The following IQSEC3 variants were observed in gnomAD, a reference collection of about 807,000 sequenced individuals.
IQSEC3 encodes IQ motif and Sec7 domain ArfGEF 3.
IQSEC3 carries 50 observed loss-of-function variants against 105.4 expected under a neutral mutation model. The observed-to-expected ratio is 0.47, with a 90% confidence interval of 0.38 to 0.60. The LOEUF (loss-of-function observed/expected upper bound fraction) is 0.60. Ranked by LOEUF, IQSEC3 falls within the 20% of genes least tolerant of loss-of-function variation. IQSEC3 has a pLI of 0.00. For missense variants in IQSEC3, 1,415 were observed against 1,630.0 expected (o/e 0.87, Z 2.27); for synonymous variants, 708 against 746.0 (o/e 0.95, Z 0.83).
chr12:138,868 C>T lies in IQSEC3; in HGVS notation c.1505C>T (p.Ser502Phe), dbSNP rs1865889477. The T allele has an allele frequency of 6.2e-7, 1 of 1,612,228 alleles. No homozygotes were observed. Reference protein sequence around the residue: ...IANQNISVSSSTALSVANCLG... With the variant: ...IANQNISVSSFTALSVANCLG... ...AACCAGAACATATCCGTCTCCTCCT[C>T]CACGGCTCTGTCGGTGGCCAACTGC... The change falls in exon 4 of 14, where the codon TCC (serine) becomes TTC (phenylalanine). Residue 502 changes from serine to phenylalanine, a missense_variant. Transcript: ENST00000538872. The surrounding 1 kb of genome is among the most constrained non-coding windows in gnomAD (Gnocchi z 7.1).
At chr12:119,157 C>A (rs1555081297) in intron 2 of IQSEC3, among the ~76,000 whole-genome samples, 3 of 152,194 alleles carry the variant, frequency 2.0e-5, no homozygotes, top group Non-Finnish European at 4.4e-5. Context: ...GAGCCTGGGG[C>A]CTCACTCCAC....
At chr12:112,720 A>G (rs1198858778) in intron 2 of IQSEC3, among the ~76,000 whole-genome samples, 1 of 152,144 alleles carries the variant, frequency 6.6e-6, no homozygotes, top group Non-Finnish European at 1.5e-5. Context: ...ATGGCCAGGG[A>G]TGGGACCTGC....
chr12:73,185 A>T lies in IQSEC3; in HGVS notation c.554+5749A>T, dbSNP rs1287436807. Among the ~76,000 whole-genome samples the T allele has an allele frequency of 2.1e-5, 3 of 145,824 alleles. No individual in the cohort carries two copies. The East Asian group carries it at 7.7e-4, about 37-fold the overall frequency. On this transcript the variant is annotated intron_variant, in intron 1 of 13. Coordinates refer to ENST00000538872, the MANE Select transcript of IQSEC3 (RefSeq NM_001170738.2). ...GTAACCACTGGATCACACAGTGTTC[A>T]AGATCCAGATGGTTGAGAACATGGG...
In IQSEC3 at chr12:66,906, G is replaced by C. The variant is rs1555065393; in HGVS notation, c.24G>C (p.Pro8=). Residue 8 remains proline, a synonymous_variant, in exon 1 of 14, where the codon CCG becomes CCC. Coordinates refer to ENST00000538872, the MANE Select transcript of IQSEC3 (RefSeq NM_001170738.2). The stretch of plus-strand genomic sequence containing the variant: ...GCATGGAGAGCCTGCTGGAGAATCC[G>C]GTGCGCGCCGTGCTCTACCTCAAGG... MESLLEN[P]VRAVLYLKEL... is the part of the protein sequence containing the mutation. The C allele has an allele frequency of 6.7e-7, 1 of 1,486,452 alleles. No individual in the cohort carries two copies. The highest frequency in any genetic ancestry group is 1.5e-5 in the African/African-American group (1 of 68,566). 92.1% of individuals were successfully genotyped at this position (1,486,452 alleles called of 1,614,324 possible).
intron 1 of IQSEC3, among the ~76,000 whole-genome samples, chr12:72,121 A>T (rs565340136): frequency 6.6e-6 from 1 of 152,178 alleles, no homozygotes; most frequent in Non-Finnish European, 1.5e-5. Context: ...CTCACTCCCA[A>T]TCTCTCCCCA....
intron 6 of IQSEC3, among the ~76,000 whole-genome samples, 178 bp downstream of exon 6, chr12:157,325 C>A (rs904423402): frequency 6.6e-6 from 1 of 152,070 alleles, no homozygotes; most frequent in Non-Finnish European, 1.5e-5. Context: ...GAAAAGGGAC[C>A]GACCCCTCGA....
chr12:80,983 CAG>C (rs1863726726), intron 1 of IQSEC3, among the ~76,000 whole-genome samples: 1 of 152,178 alleles, frequency 6.6e-6, no homozygotes, highest in African/African-American at 2.4e-5. Flanking sequence ...GAGGCCAAGT[CAG>C]AGAGATTGTT....
chr12:101,705 C>T (rs1555076230), intron 2 of IQSEC3, among the ~76,000 whole-genome samples: 1 of 152,086 alleles, frequency 6.6e-6, no homozygotes, highest in Non-Finnish European at 1.5e-5. Context: ...CTGTTTTTGT[C>T]TGTCTGTCTG....
chr12:161,467 C>T (rs1355638119), intron 7 of IQSEC3, among the ~76,000 whole-genome samples: 1 of 152,082 alleles, frequency 6.6e-6, no homozygotes, highest in Non-Finnish European at 1.5e-5. Flanking sequence ...GCCATGCTCC[C>T]TACTGGAGGG....
intron 1 of IQSEC3, among the ~76,000 whole-genome samples, chr12:94,874 A>G (rs569600992): frequency 1.3e-4 from 20 of 152,310 alleles, no homozygotes; most frequent in African/African-American, 4.8e-4. Context: ...TGAACAAGCA[A>G]TGCTTCTTTG....
At chr12:128,059 T>G (rs192557749) in intron 3 of IQSEC3, among the ~76,000 whole-genome samples, 1 of 152,264 alleles carries the variant, frequency 6.6e-6, no homozygotes, top group African/African-American at 2.4e-5. Flanking sequence ...TTGGCCTCAA[T>G]CTCTGAAGTT....
At chr12:76,455 A>G (rs1309862901) in intron 1 of IQSEC3, among the ~76,000 whole-genome samples, 3 of 152,380 alleles carry the variant, frequency 2.0e-5, no homozygotes, top group South Asian at 2.1e-4. Flanking sequence ...CTAAAGATGC[A>G]TAGGCTTCAC....
chr12:138,832 T>G lies in IQSEC3; in HGVS notation c.1469T>G (p.Val490Gly), dbSNP rs1313824625. ...TLMMAFRDVT[V>G]QIANQNISVS... is the part of the protein sequence containing the mutation. The stretch of plus-strand genomic sequence containing the variant: ...ATGATGGCTTTCCGGGACGTCACGG[T>G]GCAGATCGCCAACCAGAACATATCC... The change falls in exon 4 of 14, where the codon GTG (valine) becomes GGG (glycine). Residue 490 changes from valine (V) to glycine (G), a missense_variant. Val to Gly is a moderately radical substitution (Grantham distance 109, BLOSUM62 -3). Around this residue, in one of 6 missense-constraint regions of IQSEC3, gnomAD observed 720 missense variants for 633.0 expected, o/e 1.14. Transcript: ENST00000538872. The surrounding 1 kb of genome is among the most constrained non-coding windows in gnomAD (Gnocchi z 7.1). 2 of 1,611,632 alleles carry G rather than the reference T, an allele frequency of 1.2e-6. No individual in the cohort carries two copies. The highest frequency in any genetic ancestry group is 2.7e-5 in the African/African-American group (2 of 74,740).
At chr12:159,851 C>T (rs537111343) in intron 7 of IQSEC3, among the ~76,000 whole-genome samples, 1 of 152,184 alleles carries the variant, frequency 6.6e-6, no homozygotes, top group East Asian at 1.9e-4. Flanking sequence ...TTCTTGAACT[C>T]CTGCTATTCT....
chr12:117,792 G>A (rs782651660), intron 2 of IQSEC3, among the ~76,000 whole-genome samples: 12 of 152,208 alleles, frequency 7.9e-5, no homozygotes, highest in South Asian at 2.1e-4. Flanking sequence ...TACAGCCAGC[G>A]AGGTCAGGGC....
At chr12:85,532 C>T (rs897571702) in intron 1 of IQSEC3, among the ~76,000 whole-genome samples, 6 of 152,216 alleles carry the variant, frequency 3.9e-5, no homozygotes, top group Non-Finnish European at 7.3e-5. Flanking sequence ...GCATTTCTGA[C>T]AGTGCCACCC....
intron 3 of IQSEC3, among the ~76,000 whole-genome samples, chr12:131,669 C>T (rs1255250746): frequency 2.6e-5 from 4 of 152,212 alleles, no homozygotes; most frequent in African/African-American, 9.7e-5. Context: ...GATGCAGAGA[C>T]AGATGTCTTG....
chr12:100,337 T>C (rs1555075854), intron 2 of IQSEC3, among the ~76,000 whole-genome samples: 1 of 152,184 alleles, frequency 6.6e-6, no homozygotes, highest in Non-Finnish European at 1.5e-5. Context: ...CACAGGAAGC[T>C]TAGGGCGCCG....
chr12:155,784 G>A (rs1456347957), intron 5 of IQSEC3, among the ~76,000 whole-genome samples: 1 of 152,170 alleles, frequency 6.6e-6, no homozygotes, highest in Non-Finnish European at 1.5e-5. Context: ...GACCATGGGA[G>A]CAGAGTGGGA....
Sources: allele counts gnomAD v4.1 joint callset (sites outside exome capture counted in the v4.1 genomes callset), GRCh38; gene constraint gnomAD v4.1.1; regional missense constraint gnomAD v4.1.1; non-coding constraint Gnocchi (gnomAD v3.1); transcripts MANE v1.5; gene names NCBI Gene and HGNC (gene_info 2026-07-23, HGNC 2026-07-21).